The following LINGO2 variants were observed in gnomAD, a reference collection of about 807,000 sequenced individuals.
LINGO2 encodes the protein leucine-rich repeat and immunoglobulin-like domain-containing nogo receptor-interacting protein 2.
LINGO2 carries 14 observed loss-of-function variants against 30.6 expected under a neutral mutation model. The ratio of observed to expected loss-of-function variants is 0.46; its 90% CI spans 0.30 to 0.72. LINGO2 has a LOEUF of 0.72. Ranked by LOEUF, LINGO2 falls within the 30% of genes least tolerant of loss-of-function variation. The pLI, the probability that LINGO2 is intolerant of heterozygous loss-of-function variation, is 0.07. For synonymous variants in LINGO2, 317 were observed against 288.5 expected (o/e 1.10, Z -1.00); for missense variants, 729 against 751.7 (o/e 0.97, Z 0.35).
At chr9:28,300,282 T>C (rs530799974) in intron 3 of LINGO2, among the ~76,000 whole-genome samples, 1 of 152,138 alleles carries the variant, frequency 6.6e-6, no homozygotes, top group Admixed American at 6.5e-5. Flanking sequence ...AAGCTGCAAA[T>C]AATCTTGCAA....
At chr9:28,297,632 G>A (rs547457086) in intron 3 of LINGO2, among the ~76,000 whole-genome samples, 20 of 152,242 alleles carry the variant, frequency 1.3e-4, no homozygotes, top group Non-Finnish European at 2.6e-4. Context: ...AGCACTATAG[G>A]CCAAGGGAAA....
At chr9:28,058,696 AAC>A (rs1338735555) in intron 4 of LINGO2, among the ~76,000 whole-genome samples, 4 of 152,146 alleles carry the variant, frequency 2.6e-5, no homozygotes, top group African/African-American at 9.7e-5. Flanking sequence ...TAAATATAGT[AAC>A]AGTCTAATCA....
At chr9:28,339,552 T>C (rs949352910) in intron 3 of LINGO2, among the ~76,000 whole-genome samples, 3 of 152,148 alleles carry the variant, frequency 2.0e-5, no homozygotes, top group African/African-American at 7.2e-5. Context: ...TATTTTTGAA[T>C]GAGGATACTT....
At chr9:28,409,228 G>A (rs891326936) in intron 2 of LINGO2, among the ~76,000 whole-genome samples, 21 of 152,068 alleles carry the variant, frequency 1.4e-4, no homozygotes, top group Non-Finnish European at 2.8e-4. Flanking sequence ...TATTTTCTGT[G>A]ATCCCGCTAC....
the LINGO2 span, among the ~76,000 whole-genome samples, chr9:28,920,655 G>A: frequency 6.6e-6 from 1 of 152,136 alleles, no homozygotes; most frequent in South Asian, 2.1e-4. Context: ...AGCATATTTT[G>A]CAAAAAAGAA....
rs55802733 is a variant in LINGO2 at position 28,357,327 on chromosome 9, C to CCA, written c.-246+15508_-246+15509insTG. ...ATACAGAAATAAAGCCCACCCCCCC[C>CCA]AAAAAAGAAAGCACCAATACTTCTT... is the stretch of plus-strand genomic sequence containing the variant. On this transcript the variant is annotated intron_variant, in intron 3 of 5. Coordinates refer to ENST00000379992, the Ensembl canonical transcript of LINGO2. 7.1e-3 allele frequency among the ~76,000 whole-genome samples: 989 copies of CCA among 139,582 alleles called. 27 individuals are homozygous for CCA. Among genetic ancestry groups the CCA allele is most frequent in the African/African-American group, 0.024 (905 of 37,972 alleles). The allele number at this position is 139,582 out of a possible 152,430, so 91.6% of individuals were successfully genotyped here. A position where few individuals can be genotyped will look rare whatever the true frequency, so the allele number is the denominator to read the frequency against.
At chr9:28,869,847 C>A in the LINGO2 span, among the ~76,000 whole-genome samples, 1 of 151,928 alleles carries the variant, frequency 6.6e-6, no homozygotes, top group Non-Finnish European at 1.5e-5. Context: ...AATTTCCCAC[C>A]AAGATTCAGT....
the LINGO2 span, among the ~76,000 whole-genome samples, chr9:29,187,334 T>C: frequency 6.6e-6 from 1 of 152,204 alleles, no homozygotes; most frequent in Middle Eastern, 3.2e-3. Context: ...TTCCATTGCA[T>C]CTTATAAGAA....
the LINGO2 span, among the ~76,000 whole-genome samples, chr9:29,046,580 C>G: frequency 3.3e-5 from 5 of 152,020 alleles, no homozygotes; most frequent in African/African-American, 1.2e-4. Flanking sequence ...TTACACCAAA[C>G]ACAAAAATCA....
At chr9:28,183,547 C>A (rs900490691) in intron 4 of LINGO2, among the ~76,000 whole-genome samples, 3 of 152,058 alleles carry the variant, frequency 2.0e-5, no homozygotes, top group African/African-American at 7.2e-5. Context: ...CTCACTCATT[C>A]ATTTACTTAT....
At chr9:28,021,819 C>A (rs928778303) in intron 4 of LINGO2, among the ~76,000 whole-genome samples, 1 of 151,684 alleles carries the variant, frequency 6.6e-6, no homozygotes, top group Non-Finnish European at 1.5e-5. Context: ...AGTAGGAGCA[C>A]AGTAAAATTT....
At chr9:28,909,577 G>C in the LINGO2 span, among the ~76,000 whole-genome samples, 2 of 151,926 alleles carry the variant, frequency 1.3e-5, no homozygotes, top group Admixed American at 1.3e-4. Flanking sequence ...AACAAAATTA[G>C]GGATAACTGT....
At chr9:28,377,298 T>C (rs1378192131) in intron 2 of LINGO2, among the ~76,000 whole-genome samples, 1 of 152,154 alleles carries the variant, frequency 6.6e-6, no homozygotes, top group Non-Finnish European at 1.5e-5. Flanking sequence ...AGAAAGAGGA[T>C]GAAGACCTTT....
At position 28,040,424 on chromosome 9, in the gene LINGO2, G is replaced by GTTTT. The variant is rs762768949; in HGVS notation, c.-86-28023_-86-28020dup. On this transcript the variant is annotated intron_variant, in intron 4 of 5. Coordinates refer to ENST00000379992, the Ensembl canonical transcript of LINGO2. ...TGGTTGTTCAAAAAGACAGCTTGAAGTTTTTTTTTTTTTTTTTTTTGGACA... is the reference window on the plus strand; with the variant it reads ...TGGTTGTTCAAAAAGACAGCTTGAAGTTTTTTTTTTTTTTTTTTTTTTTTGGACA... 4.0e-5 allele frequency among the ~76,000 whole-genome samples: 5 copies of GTTTT among 124,314 alleles called. No homozygotes were observed. The South Asian group carries it at 8.3e-4, about 21-fold the overall frequency. The allele number at this position is 124,314 out of a possible 152,430, so 81.6% of individuals were successfully genotyped here. A position where few individuals can be genotyped will look rare whatever the true frequency, so the allele number is the denominator to read the frequency against.
At chr9:28,317,955 T>C (rs1401416602) in intron 3 of LINGO2, among the ~76,000 whole-genome samples, 1 of 152,284 alleles carries the variant, frequency 6.6e-6, no homozygotes, top group South Asian at 2.1e-4. Flanking sequence ...GGAGTTTGAA[T>C]GGCCATTCTC....
chr9:27,939,961 G>A, the LINGO2 span: 1 of 152,086 alleles, frequency 6.6e-6, no homozygotes, highest in African/African-American at 2.4e-5. Context: ...AAAAGATTTA[G>A]GTATTTTAAT....
chr9:28,643,963 C>G lies in LINGO2; in HGVS notation c.-365+26237G>C, dbSNP rs561310664. The stretch of plus-strand genomic sequence containing the variant: ...TTCGACATTGATCATCAGAGAAATG[C>G]AAGCCAAAACTCCGATAAGATAGCA... On this transcript the variant is annotated intron_variant, in intron 1 of 5. Coordinates refer to ENST00000379992, the Ensembl canonical transcript of LINGO2. Among the ~76,000 whole-genome samples, 5 of 152,020 alleles carry G rather than the reference C, an allele frequency of 3.3e-5. No individual in the cohort carries two copies. The East Asian group carries it at 9.7e-4, about 30-fold the overall frequency.
the LINGO2 span, among the ~76,000 whole-genome samples, chr9:29,067,125 AAAGTC>A: frequency 6.6e-6 from 1 of 151,850 alleles, no homozygotes; most frequent in Non-Finnish European, 1.5e-5. Flanking sequence ...ACCTTTTTGA[AAAGTC>A]AAGTATTATA....
chr9:28,383,254 TTGTG>T (rs3065590), intron 2 of LINGO2, among the ~76,000 whole-genome samples: 407 of 73,708 alleles, frequency 5.5e-3, no homozygotes, highest in African/African-American at 0.013. Context: ...TCACCATTCA[TTGTG>T]TGTGTGTGTG....
Sources: allele counts gnomAD v4.1 joint callset (sites outside exome capture counted in the v4.1 genomes callset), GRCh38; gene constraint gnomAD v4.1.1; transcripts MANE v1.5; gene names NCBI Gene and HGNC (gene_info 2026-07-23, HGNC 2026-07-21).